Variants in MYBPC2 observed in about 807,000 individuals in gnomAD.
The protein encoded by MYBPC2 is myosin binding protein C2, also known as myosin-binding protein C, fast-type.
A neutral mutation model predicts 137.0 loss-of-function variants in MYBPC2; 122 were observed. The observed-to-expected ratio is 0.89, with a 90% CI of 0.77 to 1.03. The LOEUF (loss-of-function observed/expected upper bound fraction) is 1.03, where lower values mean the gene tolerates loss of function less well. MYBPC2 is among the 50% of genes least tolerant of loss of function. MYBPC2 has a pLI of 0.00. For synonymous variants in MYBPC2, 626 were observed against 612.3 expected, an observed-to-expected ratio of 1.02 and a Z score of -0.33; for missense variants, 1,500 against 1,534.4, an observed-to-expected ratio of 0.98 and a Z score of 0.37.
intron 11 of MYBPC2, among the ~76,000 whole-genome samples, 158 bp downstream of exon 11, chr19:50,443,974 A>G (rs912685128): frequency 1.3e-5 from 2 of 152,026 alleles, no homozygotes; most frequent in African/African-American, 4.8e-5. Flanking sequence ...ATAAATCCTT[A>G]CCTTCACCTA....
rs755474821 is a variant in MYBPC2, at chr19:50,465,756, G to A, written c.3416-439G>A. The stretch of plus-strand genomic sequence containing the variant: ...GCTACCTGGGGGGCTGGGGCAGGAG[G>A]ATCACTTGAACCAGGGAGGCCGAGG... On this transcript the variant is annotated intron_variant, in intron 27 of 27. Transcript: ENST00000357701. This position sits in a 1 kb window ranked among gnomAD's most constrained non-coding sequence, Gnocchi z 4.5. Among the ~76,000 whole-genome samples the A allele has an allele frequency of 1.3e-4, 20 of 152,080 alleles. No individual in the cohort carries two copies. Among genetic ancestry groups the A allele is most frequent in the Admixed American group, 2.0e-4 (3 of 15,266 alleles).
chr19:50,445,328 T>C (rs1292052104), intron 11 of MYBPC2, among the ~76,000 whole-genome samples: 3 of 151,794 alleles, frequency 2.0e-5, no homozygotes, highest in Admixed American at 2.0e-4. Flanking sequence ...TTCCAGCCAA[T>C]ACCTTGGTAC....
At position 50,459,086 on chromosome 19, in the gene MYBPC2, ACCCCG is replaced by A. The variant is rs1433465085; in HGVS notation, c.2596-16_2596-12del. ...TTGCGGGTGGAGCCCCGCTGACCCCACCCCGCCCCGCCCTCTCCCCGCAGGGAAAG... is the reference window on the plus strand; with the variant it reads ...TTGCGGGTGGAGCCCCGCTGACCCCACCCCGCCCTCTCCCCGCAGGGAAAG... On this transcript the variant is annotated intron_variant, in intron 22 of 27. Transcript: ENST00000357701. 3.2e-6 allele frequency: 4 copies of A among 1,260,362 alleles called. No homozygotes were observed. The highest frequency in any genetic ancestry group is 3.3e-6 in the Non-Finnish European group (3 of 910,502). 78.1% of individuals were successfully genotyped at this position (1,260,362 alleles called of 1,614,324 possible). A position where few individuals can be genotyped will look rare whatever the true frequency, so the allele number is the denominator to read the frequency against.
chr19:50,462,893 C>A (rs2039984067), intron 26 of MYBPC2, among the ~76,000 whole-genome samples: 1 of 152,250 alleles, frequency 6.6e-6, no homozygotes, highest in Non-Finnish European at 1.5e-5. Flanking sequence ...AACAGCTTGT[C>A]TCGGCAGCTT....
In MYBPC2 at chr19:50,435,880, G is replaced by T; in HGVS notation, c.196+18G>T. ...GGAGACTGGTGAGGGGAACCCGGGG[G>T]AGGAGGGGCTGCGGCCCGGACTCCT... On this transcript the variant is annotated intron_variant, in intron 3 of 27. Transcript: ENST00000357701. The surrounding 1 kb of genome is among the most constrained non-coding windows in gnomAD (Gnocchi z 4.8). 1 of 1,572,644 alleles carries T rather than the reference G, an allele frequency of 6.4e-7. No individual in the cohort carries two copies. Among genetic ancestry groups the T allele is most frequent in the South Asian group, 1.2e-5 (1 of 85,884 alleles).
At position 50,466,198 on chromosome 19, in the gene MYBPC2, C is replaced by T. The variant is rs201803884; in HGVS notation, c.3419C>T (p.Pro1140Leu). The T allele has an allele frequency of 2.3e-5, 37 of 1,613,854 alleles. No homozygotes were observed. In the Admixed American group the frequency reaches 3.0e-4, roughly 13 times the overall value. ...CCGCTTTCTCGTTTTCCTGCAGTGC[C>T]GCAGTGAGACCTGTCCCCTACCTGC... ...LAECKLEVRV[P>L]Q The change falls in exon 28 of 28, where the codon CCG (proline) becomes CTG (leucine). Residue 1140 changes from proline to leucine, a missense_variant. Physicochemically the swap from Pro to Leu is moderately conservative, Grantham distance 98 (BLOSUM62 -3). Coordinates refer to ENST00000357701, the MANE Select transcript of MYBPC2 (RefSeq NM_004533.4). This position sits in a 1 kb window ranked among gnomAD's most constrained non-coding sequence, Gnocchi z 4.9.
intron 7 of MYBPC2, among the ~76,000 whole-genome samples, chr19:50,439,626 A>AT (rs2039733604): frequency 6.7e-6 from 1 of 149,658 alleles, no homozygotes; most frequent in Admixed American, 6.7e-5. Flanking sequence ...AGATCCATGC[A>AT]TTCACTCACT....
intron 24 of MYBPC2, among the ~76,000 whole-genome samples, chr19:50,460,451 C>T (rs1244731558): frequency 2.0e-5 from 3 of 152,204 alleles, no homozygotes. Flanking sequence ...GGTTGTGCAG[C>T]CACCGCCTCT....
At chr19:50,457,239 T>C (rs2039921957) in intron 20 of MYBPC2, among the ~76,000 whole-genome samples, 1 of 152,188 alleles carries the variant, frequency 6.6e-6, no homozygotes, top group Non-Finnish European at 1.5e-5. Flanking sequence ...CTCCGTGCTC[T>C]TTACCCCATT....
chr19:50,452,651 AG>A (rs1251778044), intron 16 of MYBPC2, among the ~76,000 whole-genome samples: 1 of 151,974 alleles, frequency 6.6e-6, no homozygotes, highest in Admixed American at 6.6e-5. Context: ...TCCACCTCCC[AG>A]GCTCAAGTGA....
intron 11 of MYBPC2, among the ~76,000 whole-genome samples, chr19:50,444,306 CCAT>C (rs2039784172): frequency 7.9e-6 from 1 of 127,102 alleles, no homozygotes; most frequent in African/African-American, 3.4e-5. Flanking sequence ...ATCCATCCAT[CCAT>C]CCATCCATCC....
chr19:50,452,049 C>A, intron 16 of MYBPC2, 46 bp downstream of exon 16: 2 of 1,527,736 alleles, frequency 1.3e-6, no homozygotes, highest in South Asian at 2.4e-5. Flanking sequence ...TCCGTTTAGG[C>A]AAGTCTCTTT....
Position 50,465,079 on chromosome 19 carries a change from C to T in MYBPC2, c.3415+547C>T, listed in dbSNP as rs946335460. ...CTCCGTCTCCAGTCTCTCCCTCCTGCCAGCCACTTTCACCCTTGGACTCTG... is the reference window on the plus strand; with the variant it reads ...CTCCGTCTCCAGTCTCTCCCTCCTGTCAGCCACTTTCACCCTTGGACTCTG... On this transcript the variant is annotated intron_variant, in intron 27 of 27. Transcript: ENST00000357701. This position sits in a 1 kb window ranked among gnomAD's most constrained non-coding sequence, Gnocchi z 4.5. Among the ~76,000 whole-genome samples, 3 of 152,140 alleles carry T rather than the reference C, an allele frequency of 2.0e-5. No individual in the cohort carries two copies. Among genetic ancestry groups the T allele is most frequent in the Non-Finnish European group, 4.4e-5 (3 of 68,020 alleles).
intron 4 of MYBPC2, 23 bp downstream of exon 4, chr19:50,436,183 G>A: frequency 6.4e-7 from 1 of 1,572,518 alleles, no homozygotes; most frequent in Non-Finnish European, 8.6e-7. Flanking sequence ...TGGGCCAGAG[G>A]GCTGGTGGAG....
At position 50,450,817 on chromosome 19, in the gene MYBPC2, C is replaced by A; in HGVS notation, c.1473-12C>A. On this transcript the variant is annotated splice_polypyrimidine_tract_variant and intron_variant, in intron 13 of 27. Coordinates refer to ENST00000357701, the MANE Select transcript of MYBPC2 (RefSeq NM_004533.4). ...TCTGGTTCGAGCCCTACCCTGCTCC[C>A]CCACCCCTTAGGTTCCACAAGCTGG... 1 of 1,555,530 alleles carries A rather than the reference C, an allele frequency of 6.4e-7. No individual in the cohort carries two copies. The highest frequency in any genetic ancestry group is 1.2e-5 in the South Asian group (1 of 84,148).
Position 50,439,086 on chromosome 19 carries a change from C to T in MYBPC2, c.572+1368C>T, listed in dbSNP as rs191162936. Among the ~76,000 whole-genome samples the T allele has an allele frequency of 1.7e-3, 261 of 151,718 alleles. No homozygotes were observed. In the Middle Eastern group the frequency reaches 0.034, roughly 20 times the overall value. On this transcript the variant is annotated intron_variant, in intron 7 of 27. Transcript: ENST00000357701. ...ATTTCTCACCAACCCATCAATCCATCCACTCACCCACCTGTCTTCCCCCAA... is the reference window on the plus strand; with the variant it reads ...ATTTCTCACCAACCCATCAATCCATTCACTCACCCACCTGTCTTCCCCCAA...
At chr19:50,464,221 G>C in intron 26 of MYBPC2, 125 bp from the exon 27 acceptor site, 1 of 840,050 alleles carries the variant, frequency 1.2e-6, no homozygotes, top group Non-Finnish European at 1.8e-6. Context: ...GAAGTGACTC[G>C]TCCAAGAACA....
intron 24 of MYBPC2, 144 bp downstream of exon 24, chr19:50,460,323 A>C: frequency 2.5e-6 from 3 of 1,185,898 alleles, no homozygotes; most frequent in Non-Finnish European, 3.5e-6. Context: ...CTTTTAGCTG[A>C]GACTTGGCAC....
intron 20 of MYBPC2, 103 bp from the exon 21 acceptor site, chr19:50,458,480 TACTC>T (rs1030247532): frequency 6.5e-5 from 87 of 1,339,820 alleles, no homozygotes; most frequent in East Asian, 1.0e-4. Flanking sequence ...ACTGGGAACT[TACTC>T]AGTGCTCACT....
Sources: gnomAD v4.1 joint callset for allele counts (sites outside exome capture counted in the v4.1 genomes callset) on GRCh38, gnomAD v4.1.1 for gene constraint, Gnocchi (gnomAD v3.1) non-coding constraint, MANE v1.5 for transcripts, NCBI Gene and HGNC (gene_info 2026-07-23, HGNC 2026-07-21) for gene names.